DLG2: variants seen among roughly 807,000 people sequenced by gnomAD.
DLG2 encodes disks large homolog 2.
In DLG2, 45 loss-of-function variants were observed where a neutral mutation model predicts 132.5. That is an observed-to-expected ratio of 0.34 (90% CI 0.27 to 0.44). The LOEUF is 0.44. Ranked by LOEUF, DLG2 falls within the 20% of genes least tolerant of loss-of-function variation. The pLI, the probability that DLG2 is intolerant of heterozygous loss-of-function variation, is 1.00. For synonymous variants in DLG2, 424 were observed against 419.6 expected, an observed-to-expected ratio of 1.01 and a Z score of -0.13; for missense variants, 1,045 against 1,196.9, an observed-to-expected ratio of 0.87 and a Z score of 1.87.
intron 8 of DLG2, among the ~76,000 whole-genome samples, chr11:84,222,593 C>T (rs1162689139): frequency 6.6e-6 from 1 of 152,138 alleles, no homozygotes; most frequent in Non-Finnish European, 1.5e-5. Flanking sequence ...GCACATGTAT[C>T]ACCTAACCTT....
At chr11:85,030,664 C>T (rs555259778) in intron 6 of DLG2, among the ~76,000 whole-genome samples, 2 of 152,076 alleles carry the variant, frequency 1.3e-5, no homozygotes, top group Non-Finnish European at 2.9e-5. Context: ...TGCCAACTTT[C>T]GTCAAATGTT....
intron 6 of DLG2, among the ~76,000 whole-genome samples, chr11:84,609,474 T>A (rs1006019716): frequency 4.6e-5 from 7 of 151,960 alleles, no homozygotes; most frequent in African/African-American, 1.7e-4. Context: ...GACATAGTAG[T>A]TGGAAAAATA....
At chr11:83,838,595 A>G (rs1480557556) in intron 16 of DLG2, among the ~76,000 whole-genome samples, 1 of 152,216 alleles carries the variant, frequency 6.6e-6, no homozygotes, top group African/African-American at 2.4e-5. Context: ...TAGCTGCCCA[A>G]GTTTAAAATT....
chr11:84,885,566 T>A (rs1318009050), intron 6 of DLG2, among the ~76,000 whole-genome samples: 1 of 152,108 alleles, frequency 6.6e-6, no homozygotes, highest in Admixed American at 6.6e-5. Flanking sequence ...CTTTAATTCT[T>A]GGTCCTGCAT....
At chr11:85,106,854 G>T (rs1379057992) in intron 6 of DLG2, among the ~76,000 whole-genome samples, 1 of 151,912 alleles carries the variant, frequency 6.6e-6, no homozygotes, top group Non-Finnish European at 1.5e-5. Flanking sequence ...ACCAAATATT[G>T]CATCTTTTGT....
chr11:85,494,711 C>A (rs1472742635), intron 3 of DLG2, among the ~76,000 whole-genome samples: 12 of 151,458 alleles, frequency 7.9e-5, no homozygotes, highest in African/African-American at 2.4e-4. Flanking sequence ...TTCAAAAGCA[C>A]ATTTGCAAAA....
At chr11:84,329,251 G>T (rs1213591159) in intron 7 of DLG2, among the ~76,000 whole-genome samples, 1 of 152,062 alleles carries the variant, frequency 6.6e-6, no homozygotes, top group Non-Finnish European at 1.5e-5. Context: ...GTAAATACTT[G>T]AATTGAACTT....
In DLG2 at chr11:84,210,283, C is replaced by CA. The variant is rs567400369; in HGVS notation, c.573+40954dup. Among the ~76,000 whole-genome samples, 347 of 148,614 alleles carry CA rather than the reference C, an allele frequency of 2.3e-3. 1 individual carries two copies. Among genetic ancestry groups the CA allele is most frequent in the African/African-American group, 8.1e-3 (324 of 40,096 alleles). On this transcript the variant is annotated intron_variant, in intron 8 of 27. Coordinates refer to ENST00000376104, the MANE Select transcript of DLG2 (RefSeq NM_001142699.3). ...GGGTGACAGAGTGATACTCTGTCTC[C>CA]AAAAAATTAAATTAATTAATTAATT...
At chr11:83,879,571 G>A (rs905168590) in intron 15 of DLG2, among the ~76,000 whole-genome samples, 2 of 152,038 alleles carry the variant, frequency 1.3e-5, no homozygotes, top group Admixed American at 1.3e-4. Flanking sequence ...TTAAAAAGAA[G>A]AGTATGTCTT....
intron 8 of DLG2, among the ~76,000 whole-genome samples, chr11:84,219,713 C>T: frequency 6.6e-6 from 1 of 152,166 alleles, no homozygotes; most frequent in Non-Finnish European, 1.5e-5. Flanking sequence ...TCTTCCTCCC[C>T]AAAGCTTACA....
chr11:84,247,617 G>A (rs2097319383), intron 8 of DLG2, among the ~76,000 whole-genome samples: 1 of 152,024 alleles, frequency 6.6e-6, no homozygotes. Context: ...GCTTACTTAA[G>A]GCATTTTCAT....
intron 21 of DLG2, among the ~76,000 whole-genome samples, chr11:83,512,261 T>C (rs73522609): frequency 0.012 from 1,883 of 152,218 alleles, 31 homozygotes; most frequent in African/African-American, 0.043. Flanking sequence ...GGTGAGAAGC[T>C]GCACTGATAA....
chr11:84,482,977 A>G (rs1326040812), intron 7 of DLG2, among the ~76,000 whole-genome samples: 1 of 152,184 alleles, frequency 6.6e-6, no homozygotes, highest in Non-Finnish European at 1.5e-5. Flanking sequence ...CAAATAGAGA[A>G]CTGTTCAAAC....
chr11:83,654,723 A>G (rs988611764), intron 18 of DLG2, among the ~76,000 whole-genome samples: 11 of 152,258 alleles, frequency 7.2e-5, no homozygotes, highest in Non-Finnish European at 1.5e-4. Context: ...GAGCGACTTA[A>G]ATACGTCTAT....
chr11:84,570,199 A>G (rs1010925654), intron 6 of DLG2, among the ~76,000 whole-genome samples: 1 of 152,176 alleles, frequency 6.6e-6, no homozygotes, highest in East Asian at 1.9e-4. Flanking sequence ...AGTTACTCAT[A>G]AGACCCTCCC....
At chr11:83,495,471 T>C (rs2094104047) in intron 21 of DLG2, among the ~76,000 whole-genome samples, 1 of 152,166 alleles carries the variant, frequency 6.6e-6, no homozygotes, top group African/African-American at 2.4e-5. Flanking sequence ...GTCATCTCAT[T>C]TTCTCAACTT....
At chr11:85,460,015 C>T (rs555826521) in intron 3 of DLG2, among the ~76,000 whole-genome samples, 96 of 152,272 alleles carry the variant, frequency 6.3e-4, no homozygotes, top group African/African-American at 2.1e-3. Flanking sequence ...GGCTGACAGA[C>T]GACAAAGGTA....
At chr11:84,732,226 T>A (rs1176585716) in intron 6 of DLG2, among the ~76,000 whole-genome samples, 1 of 152,144 alleles carries the variant, frequency 6.6e-6, no homozygotes, top group East Asian at 1.9e-4. Context: ...GTTATATAGC[T>A]GCTACGAATA....
intron 7 of DLG2, among the ~76,000 whole-genome samples, chr11:84,533,346 C>T (rs550564285): frequency 6.6e-6 from 1 of 152,286 alleles, no homozygotes; most frequent in Non-Finnish European, 1.5e-5. Context: ...CTTTTCTTCT[C>T]CAGGTTAAAC....
Sources: gnomAD v4.1 joint callset for allele counts (sites outside exome capture counted in the v4.1 genomes callset) on GRCh38, gnomAD v4.1.1 for gene constraint, MANE v1.5 for transcripts, NCBI Gene and HGNC (gene_info 2026-07-23, HGNC 2026-07-21) for gene names.